CTNNA3: variants seen among roughly 807,000 people sequenced by gnomAD.
The protein encoded by CTNNA3 is catenin alpha-3.
CTNNA3 carries 76 observed loss-of-function variants against 95.7 expected under a neutral mutation model. The ratio of observed to expected loss-of-function variants is 0.79; its 90% CI spans 0.66 to 0.96. CTNNA3 has a LOEUF of 0.96. CTNNA3 is among the 40% of genes least tolerant of loss of function. CTNNA3 has a pLI of 0.00. For synonymous variants in CTNNA3, 431 were observed against 374.4 expected (o/e 1.15, Z -1.74); for missense variants, 1,191 against 1,089.8 (o/e 1.09, Z -1.31).
At chr10:66,635,118 C>T (rs10997276) in intron 9 of CTNNA3, among the ~76,000 whole-genome samples, 3,227 of 152,060 alleles carry the variant, frequency 0.021, 226 homozygotes, top group East Asian at 0.15. Context: ...TTCAAGGTCC[C>T]TCTCTAAATT....
At chr10:67,593,807 T>C (rs1264056688) in intron 3 of CTNNA3, among the ~76,000 whole-genome samples, 1 of 151,956 alleles carries the variant, frequency 6.6e-6, no homozygotes, top group Non-Finnish European at 1.5e-5. Context: ...TGAATAGGAG[T>C]GATGAGGGTG....
intron 7 of CTNNA3, among the ~76,000 whole-genome samples, chr10:66,825,809 A>G (rs1842487191): frequency 6.6e-6 from 1 of 151,950 alleles, no homozygotes; most frequent in African/African-American, 2.4e-5. Context: ...TCGCTTTGTC[A>G]TCCCTTACCC....
chr10:66,373,938 T>C (rs1028282395), intron 12 of CTNNA3, among the ~76,000 whole-genome samples: 2 of 152,364 alleles, frequency 1.3e-5, no homozygotes, highest in South Asian at 2.1e-4. Flanking sequence ...CAGTAATGAA[T>C]CACTTTCTTA....
At chr10:66,542,912 A>G (rs1488391602) in intron 10 of CTNNA3, among the ~76,000 whole-genome samples, 2 of 152,122 alleles carry the variant, frequency 1.3e-5, no homozygotes, top group African/African-American at 4.8e-5. Context: ...TAAAAAAATA[A>G]AATAAAACTT....
At chr10:67,295,161 G>A (rs1266969485) in intron 5 of CTNNA3, among the ~76,000 whole-genome samples, 1 of 151,986 alleles carries the variant, frequency 6.6e-6, no homozygotes, top group African/African-American at 2.4e-5. Flanking sequence ...GTAATTTTGG[G>A]GCATAACGTA....
chr10:67,748,463 G>C (rs1412748233), intron 1 of CTNNA3, among the ~76,000 whole-genome samples: 1 of 152,138 alleles, frequency 6.6e-6, no homozygotes, highest in African/African-American at 2.4e-5. Flanking sequence ...CATTCTTAAA[G>C]AAAAGAATTT....
rs546619346 is a variant in CTNNA3, at chr10:66,899,966, C to T, written c.1048-124442G>A. 1.4e-4 allele frequency among the ~76,000 whole-genome samples: 21 copies of T among 152,262 alleles called. No homozygotes were observed. In the East Asian group the frequency reaches 2.9e-3, roughly 21 times the overall value. ...CAGCAGACAACTTCAGACTTAAAGG[C>T]CCCTGTGTGACAGCTCTGAAGAGAG... On this transcript the variant is annotated intron_variant, in intron 7 of 17. Transcript: ENST00000433211.
rs1289123096 is a variant in CTNNA3, at chr10:67,521,736, C to T, written c.579+106G>A. On this transcript the variant is annotated intron_variant, in intron 5 of 17. Transcript: ENST00000433211. Reference sequence around the variant, plus strand: ...ACAGCACAACCTGTATCTGCTCTAACCATTAGAAGATAAGTTTCCTCAGAC... The same window carrying T: ...ACAGCACAACCTGTATCTGCTCTAATCATTAGAAGATAAGTTTCCTCAGAC... 8.6e-6 allele frequency: 12 copies of T among 1,388,320 alleles called. No individual in the cohort carries two copies. In the South Asian group the frequency reaches 1.3e-4, roughly 15 times the overall value. The allele number at this position is 1,388,320 out of a possible 1,614,324, so 86.0% of individuals were successfully genotyped here.
chr10:65,966,744 G>A lies in CTNNA3; in HGVS notation c.2268C>T (p.Cys756=), dbSNP rs1231437481. ...DVLARQIANQ[C]PDPSCKQDLL... ...AGTCCTGTTTACAAGATGGATCTGG[G>A]CACTAAATATGAATCAAAGATAAAA... Residue 756 remains cysteine (C), a splice_region_variant and synonymous_variant, in exon 17 of 18, where the codon TGC becomes TGT. Transcript: ENST00000433211. The A allele has an allele frequency of 2.5e-6, 4 of 1,605,808 alleles. No individual in the cohort carries two copies. The African/African-American group carries it at 4.0e-5, about 16-fold the overall frequency.
rs1863186415 is a variant in CTNNA3 at position 67,192,968 on chromosome 10, C to G, written c.844-12448G>C. ...AAAATCTTGCCATTTGTGGATGAAC[C>G]TGGAGGGCATTTTGCTAAGTGAAAT... On this transcript the variant is annotated intron_variant, in intron 6 of 17. Transcript: ENST00000433211. Among the ~76,000 whole-genome samples the G allele has an allele frequency of 2.0e-5, 3 of 152,042 alleles. 1 individual carries two copies. The South Asian group carries it at 6.2e-4, about 32-fold the overall frequency.
At chr10:66,817,492 T>C (rs1392258988) in intron 7 of CTNNA3, among the ~76,000 whole-genome samples, 1 of 151,952 alleles carries the variant, frequency 6.6e-6, no homozygotes, top group African/African-American at 2.4e-5. Flanking sequence ...ACATTACTAT[T>C]GACTTAACAG....
At chr10:66,028,219 C>T (rs901225605) in intron 15 of CTNNA3, among the ~76,000 whole-genome samples, 3 of 152,132 alleles carry the variant, frequency 2.0e-5, no homozygotes, top group Non-Finnish European at 2.9e-5. Flanking sequence ...CTAGAAATAC[C>T]ATTTGACCCA....
At chr10:66,680,427 A>G (rs2132499658) in intron 9 of CTNNA3, among the ~76,000 whole-genome samples, 1 of 152,302 alleles carries the variant, frequency 6.6e-6, no homozygotes, top group African/African-American at 2.4e-5. Context: ...ATAATAACAA[A>G]GAAGAGTAGA....
At chr10:67,101,168 A>G (rs1858314865) in intron 7 of CTNNA3, among the ~76,000 whole-genome samples, 2 of 151,724 alleles carry the variant, frequency 1.3e-5, no homozygotes, top group South Asian at 4.1e-4. Context: ...CAAGATGTGG[A>G]TGCATGTAGG....
intron 4 of CTNNA3, among the ~76,000 whole-genome samples, chr10:67,524,369 GC>G (rs1840075582): frequency 7.2e-6 from 1 of 138,964 alleles, no homozygotes; most frequent in South Asian, 2.2e-4. Flanking sequence ...CTGCACTCCA[GC>G]CTGGGCGACA....
At chr10:66,588,652 TTTATCTAA>T (rs776751646) in intron 10 of CTNNA3, among the ~76,000 whole-genome samples, 10 of 152,294 alleles carry the variant, frequency 6.6e-5, no homozygotes, top group South Asian at 4.1e-4. Context: ...CTCTATTTCA[TTTATCTAA>T]TTATCCCATC....
chr10:65,962,460 A>G (rs1324170943), intron 17 of CTNNA3, among the ~76,000 whole-genome samples: 1 of 152,110 alleles, frequency 6.6e-6, no homozygotes, highest in Non-Finnish European at 1.5e-5. Context: ...ATTGCTTCTA[A>G]ACATATTTTC....
intron 7 of CTNNA3, among the ~76,000 whole-genome samples, chr10:67,033,925 C>T (rs1033531292): frequency 1.3e-5 from 2 of 152,108 alleles, no homozygotes; most frequent in Admixed American, 6.5e-5. Flanking sequence ...GCTTGCGCTA[C>T]CACACCTAGC....
At chr10:65,953,379 T>G (rs1402725153) in intron 17 of CTNNA3, among the ~76,000 whole-genome samples, 1 of 151,902 alleles carries the variant, frequency 6.6e-6, no homozygotes. Context: ...ACCTCTTTTT[T>G]TTTTAGTGTT....
Sources: allele counts gnomAD v4.1 joint callset (sites outside exome capture counted in the v4.1 genomes callset), GRCh38; gene constraint gnomAD v4.1.1; transcripts MANE v1.5; gene names NCBI Gene and HGNC (gene_info 2026-07-23, HGNC 2026-07-21).